Variants in PIP4P1 observed in about 807,000 individuals in gnomAD.
The protein encoded by PIP4P1 is type 1 phosphatidylinositol 4,5-bisphosphate 4-phosphatase.
Under a neutral mutation model 32.3 loss-of-function variants are expected in PIP4P1, and 14 were observed. That is an observed-to-expected ratio of 0.43 (90% CI 0.29 to 0.68). The LOEUF (loss-of-function observed/expected upper bound fraction) is 0.68. PIP4P1 is among the 30% of genes least tolerant of loss of function. The pLI is 0.15. For synonymous variants in PIP4P1, 132 were observed against 137.9 expected, an observed-to-expected ratio of 0.96 and a Z score of 0.30; for missense variants, 289 against 364.5, an observed-to-expected ratio of 0.79 and a Z score of 1.69.
chr14:20,459,031 G>A (rs1032619140), intron 6 of PIP4P1, 175 bp downstream of exon 6: 10 of 668,364 alleles, frequency 1.5e-5, no homozygotes, highest in East Asian at 1.1e-4. Flanking sequence ...CACTCTTGTA[G>A]TAGTAATAAA....
Position 20,458,396 on chromosome 14 carries a change from C to A in PIP4P1, c.*163G>T. ...AGTGCTCTTATCTGCCCCTCCAAAC[C>A]TAAGTGAGGGCCTGGTTCCTTCCTA... On this transcript the variant is annotated 3_prime_UTR_variant, in exon 7 of 7. Coordinates refer to ENST00000250489, the MANE Select transcript of PIP4P1 (RefSeq NM_144568.4). 9.8e-7 allele frequency: 1 copy of A among 1,017,638 alleles called. No individual in the cohort carries two copies. The highest frequency in any genetic ancestry group is 1.5e-6 in the Non-Finnish European group (1 of 672,542). 63.0% of individuals were successfully genotyped at this position (1,017,638 alleles called of 1,614,324 possible).
In PIP4P1 at chr14:20,459,446, G is replaced by A; in HGVS notation, c.547-6C>T. 2.5e-6 allele frequency: 4 copies of A among 1,614,134 alleles called. No individual in the cohort carries two copies. Among genetic ancestry groups the A allele is most frequent in the Non-Finnish European group, 3.4e-6 (4 of 1,180,030 alleles). ...CGGTCTGTGAACTCTGTCCACTATG[G>A]AGAAAGAAAACAAAAATAATAGCAC... On this transcript the variant is annotated splice_region_variant and splice_polypyrimidine_tract_variant and intron_variant, in intron 4 of 6. Transcript: ENST00000250489.
intron 6 of PIP4P1, 72 bp from the exon 7 acceptor site, chr14:20,458,774 C>G (rs1027647979): frequency 5.2e-6 from 8 of 1,538,184 alleles, no homozygotes; most frequent in Non-Finnish European, 7.0e-6. Flanking sequence ...CCTATTAGTT[C>G]TAAGAACAGT....
chr14:20,459,554 C>T, intron 4 of PIP4P1, 74 bp downstream of exon 4: 2 of 1,570,620 alleles, frequency 1.3e-6, no homozygotes, highest in Non-Finnish European at 1.8e-6. Context: ...GGGTCATTAC[C>T]ATTACTCTAA....
intron 6 of PIP4P1, 156 bp from the exon 7 acceptor site, chr14:20,458,858 G>C (rs1881579762): frequency 5.6e-6 from 5 of 895,810 alleles, no homozygotes; most frequent in Non-Finnish European, 8.3e-6. Context: ...AGGCAGAGCT[G>C]ATCAGCTTCC....
At chr14:20,458,929 T>C in intron 6 of PIP4P1, 1 of 643,314 alleles carries the variant, frequency 1.6e-6, no homozygotes, top group Non-Finnish European at 2.6e-6. Flanking sequence ...TCTTAATATC[T>C]GACAACTGAG....
At chr14:20,459,352 A>C (rs774403062) in intron 5 of PIP4P1, 36 bp downstream of exon 5, 1 of 1,614,218 alleles carries the variant, frequency 6.2e-7, no homozygotes, top group South Asian at 1.1e-5. Context: ...TTTTTACTCC[A>C]TACATCAATT....
In PIP4P1 at chr14:20,461,400, A is replaced by ACCGCCG. The variant is rs1360879475; in HGVS notation, c.-81_-76dup. 6.6e-6 allele frequency: 8 copies of ACCGCCG among 1,217,658 alleles called. No individual in the cohort carries two copies. Among genetic ancestry groups the ACCGCCG allele is most frequent in the African/African-American group, 3.2e-5 (2 of 63,424 alleles). 75.4% of individuals were successfully genotyped at this position (1,217,658 alleles called of 1,614,324 possible). ...CTCTGCCGTCGCCGCAGCCACCGCC[A>ACCGCCG]CCGCCGCCACCGCCACCGCCGCTAC... On this transcript the variant is annotated 5_prime_UTR_variant, in exon 1 of 7. Coordinates refer to ENST00000250489, the MANE Select transcript of PIP4P1 (RefSeq NM_144568.4).
Position 20,458,335 on chromosome 14 carries a change from G to T in PIP4P1, c.*224C>A. On this transcript the variant is annotated 3_prime_UTR_variant, in exon 7 of 7. Transcript: ENST00000250489. Reference sequence around the variant, plus strand: ...GCAACGTTTTGCCTACTTCACCCTAGACACAGCAACCCTTGGAGGAAAGCA... The same window carrying T: ...GCAACGTTTTGCCTACTTCACCCTATACACAGCAACCCTTGGAGGAAAGCA... 1 of 723,262 alleles carries T rather than the reference G, an allele frequency of 1.4e-6. No individual in the cohort carries two copies. The highest frequency in any genetic ancestry group is 2.4e-6 in the Non-Finnish European group (1 of 409,262). The allele number at this position is 723,262 out of a possible 1,614,324, so 44.8% of individuals were successfully genotyped here.
At position 20,458,371 on chromosome 14, in the gene PIP4P1, A is replaced by G; in HGVS notation, c.*188T>C. ...CCTTGGAGGAAAGCAGATGGTCAGC[A>G]GTGCTCTTATCTGCCCCTCCAAACC... is the stretch of plus-strand genomic sequence containing the variant. On this transcript the variant is annotated 3_prime_UTR_variant, in exon 7 of 7. Coordinates refer to ENST00000250489, the MANE Select transcript of PIP4P1 (RefSeq NM_144568.4). 1.3e-6 allele frequency: 1 copy of G among 798,962 alleles called. No homozygotes were observed. Among genetic ancestry groups the G allele is most frequent in the Non-Finnish European group, 2.1e-6 (1 of 473,660 alleles). 49.5% of individuals were successfully genotyped at this position (798,962 alleles called of 1,614,324 possible).
chr14:20,460,539 A>T, intron 2 of PIP4P1, 116 bp downstream of exon 2: 1 of 1,121,582 alleles, frequency 8.9e-7, no homozygotes, highest in East Asian at 2.4e-5. Flanking sequence ...CTGGAACTGA[A>T]ACCTGGGTAT....
chr14:20,460,615 C>T lies in PIP4P1; in HGVS notation c.333+40G>A, dbSNP rs757418273. 6 of 1,599,376 alleles carry T rather than the reference C, an allele frequency of 3.8e-6. 1 individual carries two copies. In the South Asian group the frequency reaches 5.5e-5, roughly 15 times the overall value. On this transcript the variant is annotated intron_variant, in intron 2 of 6. Coordinates refer to ENST00000250489, the MANE Select transcript of PIP4P1 (RefSeq NM_144568.4). ...AGAACCAAGACATCAGAAAGAGGAT[C>T]CAGGAAACAGGGCCCATTTCATAGA...
rs1881519085 is a variant in PIP4P1 at position 20,458,153 on chromosome 14, TAGC to T, written c.*403_*405del. 3 of 380,368 alleles carry T rather than the reference TAGC, an allele frequency of 7.9e-6. No individual in the cohort carries two copies. Among genetic ancestry groups the T allele is most frequent in the Non-Finnish European group, 1.0e-5 (2 of 193,050 alleles). The allele number at this position is 380,368 out of a possible 1,614,324, so 23.6% of individuals were successfully genotyped here. ...AGAGCCAACCTCTGGTGAAGTGCAA[TAGC>T]AGCAGCAAAGTCCTAATGGTGCACA... is the stretch of plus-strand genomic sequence containing the variant. On this transcript the variant is annotated 3_prime_UTR_variant, in exon 7 of 7. Coordinates refer to ENST00000250489, the MANE Select transcript of PIP4P1 (RefSeq NM_144568.4).
Position 20,458,232 on chromosome 14 carries a change from T to A in PIP4P1, c.*327A>T, listed in dbSNP as rs1594417415. ...CCCACCCCCACCCTGCCCTGGAATGTGTAAGGGACAGGAATGGCTCTCAGG... is the reference window on the plus strand; with the variant it reads ...CCCACCCCCACCCTGCCCTGGAATGAGTAAGGGACAGGAATGGCTCTCAGG... On this transcript the variant is annotated 3_prime_UTR_variant, in exon 7 of 7. Coordinates refer to ENST00000250489, the MANE Select transcript of PIP4P1 (RefSeq NM_144568.4). The A allele has an allele frequency of 2.1e-6, 1 of 482,406 alleles. No individual in the cohort carries two copies. The highest frequency in any genetic ancestry group is 5.8e-5 in the East Asian group (1 of 17,162). The allele number at this position is 482,406 out of a possible 1,614,324, so 29.9% of individuals were successfully genotyped here.
intron 5 of PIP4P1, 33 bp downstream of exon 5, chr14:20,459,355 C>T: frequency 6.2e-7 from 1 of 1,614,222 alleles, no homozygotes; most frequent in South Asian, 1.1e-5. Flanking sequence ...TTACTCCATA[C>T]ATCAATTACC....
At position 20,461,185 on chromosome 14, in the gene PIP4P1, G is replaced by C; in HGVS notation, c.141C>G (p.Ala47=). 7.9e-7 allele frequency: 1 copy of C among 1,260,548 alleles called. No individual in the cohort carries two copies. The highest frequency in any genetic ancestry group is 1.0e-6 in the Non-Finnish European group (1 of 997,346). 78.1% of individuals were successfully genotyped at this position (1,260,548 alleles called of 1,614,324 possible). ...GLTPSAPPYG[A]AFPPFPEGHP... Reference sequence around the variant, plus strand: ...TACCCTGGGGCGGGGCATGTTTACCGGCTCCGTACGGTGGTGCGGAGGGGG... The same window carrying C: ...TACCCTGGGGCGGGGCATGTTTACCCGCTCCGTACGGTGGTGCGGAGGGGG... The change falls in exon 1 of 7, where the codon GCC becomes GCG. Residue 47 remains alanine, a splice_region_variant and synonymous_variant. Coordinates refer to ENST00000250489, the MANE Select transcript of PIP4P1 (RefSeq NM_144568.4).
At position 20,461,210 on chromosome 14, in the gene PIP4P1, G is replaced by A. The variant is rs1881697620; in HGVS notation, c.116C>T (p.Thr39Ile). The A allele has an allele frequency of 2.4e-6, 3 of 1,255,410 alleles. No homozygotes were observed. The highest frequency in any genetic ancestry group is 3.1e-5 in the East Asian group (1 of 32,074). The allele number at this position is 1,255,410 out of a possible 1,614,324, so 77.8% of individuals were successfully genotyped here. A position where few individuals can be genotyped will look rare whatever the true frequency, so the allele number is the denominator to read the frequency against. Reference sequence around the variant, plus strand: ...GGCTCCGTACGGTGGTGCGGAGGGGGTCAGGCCTCCCCCGGGCCCAGCCCC... The same window carrying A: ...GGCTCCGTACGGTGGTGCGGAGGGGATCAGGCCTCCCCCGGGCCCAGCCCC... ...GSGAGPGGGL[T>I]PSAPPYGAAF... Residue 39 changes from threonine to isoleucine, a missense_variant, in exon 1 of 7, where the codon ACC becomes ATC. Coordinates refer to ENST00000250489, the MANE Select transcript of PIP4P1 (RefSeq NM_144568.4).
rs201201233 is a variant in PIP4P1, at chr14:20,458,680, C to T, written c.713G>A (p.Arg238Gln). 24 of 1,613,110 alleles carry T rather than the reference C, an allele frequency of 1.5e-5. No homozygotes were observed. The highest frequency in any genetic ancestry group is 2.2e-5 in the East Asian group (1 of 44,884). The stretch of plus-strand genomic sequence containing the variant: ...GGCTGCATAGATGCCTCCATATCGC[C>T]GTGCATGCTTCCATGTGCCAAACTG... The part of the protein sequence containing the change: ...GLAFGTWKHA[R>Q]RYGGIYAAWA... The change falls in exon 7 of 7, where the codon CGG (arginine) becomes CAG (glutamine). Residue 238 changes from arginine to glutamine, a missense_variant. By Grantham distance (43) the Arg-to-Gln change is conservative. Coordinates refer to ENST00000250489, the MANE Select transcript of PIP4P1 (RefSeq NM_144568.4).
chr14:20,457,693 T>TA lies in PIP4P1; in HGVS notation c.*865dup, dbSNP rs1034713911. The TA allele has an allele frequency of 3.2e-4, 249 of 776,832 alleles. No individual in the cohort carries two copies. The highest frequency in any genetic ancestry group is 8.8e-4 in the African/African-American group (50 of 56,730). 48.1% of individuals were successfully genotyped at this position (776,832 alleles called of 1,614,324 possible). ...TTTTATTTGAGGGTTTTTTGTTTTT[T>TA]AAAAAAAAATTGAACAAAGACTACT... On this transcript the variant is annotated 3_prime_UTR_variant, in exon 7 of 7. Transcript: ENST00000250489.
Sources: gnomAD v4.1 joint callset for allele counts on GRCh38, gnomAD v4.1.1 for gene constraint, MANE v1.5 for transcripts, NCBI Gene and HGNC (gene_info 2026-07-23, HGNC 2026-07-21) for gene names.